Variants in B3GLCT observed in about 807,000 individuals in gnomAD.
B3GLCT encodes beta 3-glucosyltransferase.
A neutral mutation model predicts 63.4 loss-of-function variants in B3GLCT; 65 were observed. The ratio of observed to expected loss-of-function variants is 1.03; its 90% CI spans 0.84 to 1.26. The LOEUF (loss-of-function observed/expected upper bound fraction) is 1.26. Among genes scored for constraint, B3GLCT ranks in the 50% most tolerant of loss-of-function variants. The pLI is 0.00. For synonymous variants in B3GLCT, 233 were observed against 219.2 expected (o/e 1.06, Z -0.55); for missense variants, 577 against 604.8 (o/e 0.95, Z 0.48).
chr13:31,204,789 A>G (rs1169859246), intron 1 of B3GLCT, among the ~76,000 whole-genome samples: 1 of 152,120 alleles, frequency 6.6e-6, no homozygotes, highest in Non-Finnish European at 1.5e-5. Flanking sequence ...GAGATGATTA[A>G]TAATCTCTCA....
In B3GLCT at chr13:31,247,019, T is replaced by C; in HGVS notation, c.271-4T>C. ...CTTATCTTCTTTGATCATTGTTTTCTCAGGAGCTCCCCAGTGTCCTCCTCC... is the reference window on the plus strand; with the variant it reads ...CTTATCTTCTTTGATCATTGTTTTCCCAGGAGCTCCCCAGTGTCCTCCTCC... On this transcript the variant is annotated splice_region_variant and splice_polypyrimidine_tract_variant and intron_variant, in intron 4 of 14. Coordinates refer to ENST00000343307, the MANE Select transcript of B3GLCT (RefSeq NM_194318.4). 1 of 1,606,784 alleles carries C rather than the reference T, an allele frequency of 6.2e-7. No homozygotes were observed. Among genetic ancestry groups the C allele is most frequent in the South Asian group, 1.1e-5 (1 of 90,870 alleles).
At chr13:31,296,492 C>T (rs752938477) in intron 12 of B3GLCT, among the ~76,000 whole-genome samples, 14 of 152,162 alleles carry the variant, frequency 9.2e-5, no homozygotes, top group Non-Finnish European at 1.9e-4. Flanking sequence ...TCTCCACCCT[C>T]GTGATCTCTT....
chr13:31,252,186 C>T (rs1339999743), intron 6 of B3GLCT, among the ~76,000 whole-genome samples: 1 of 152,128 alleles, frequency 6.6e-6, no homozygotes. Context: ...TTTGTCACCA[C>T]CAGGCCTGCC....
At position 31,331,698 on chromosome 13, in the gene B3GLCT, T is replaced by C. The variant is rs200297044; in HGVS notation, c.*2030T>C. Reference sequence around the variant, plus strand: ...AGAGAAAACCATCAGAAATTGATAATGTTTATATAAAGTTTATAAAGCCAT... The same window carrying C: ...AGAGAAAACCATCAGAAATTGATAACGTTTATATAAAGTTTATAAAGCCAT... On this transcript the variant is annotated 3_prime_UTR_variant, in exon 15 of 15. Coordinates refer to ENST00000343307, the MANE Select transcript of B3GLCT (RefSeq NM_194318.4). 2.6e-5 allele frequency: 4 copies of C among 152,204 alleles called. No homozygotes were observed. The highest frequency in any genetic ancestry group is 5.9e-5 in the Non-Finnish European group (4 of 68,040). The allele number at this position is 152,204 out of a possible 1,614,324, so 9.4% of individuals were successfully genotyped here. A position where few individuals can be genotyped will look rare whatever the true frequency, so the allele number is the denominator to read the frequency against.
intron 3 of B3GLCT, among the ~76,000 whole-genome samples, chr13:31,228,344 C>T (rs1870205152): frequency 6.6e-6 from 1 of 152,172 alleles, no homozygotes; most frequent in Non-Finnish European, 1.5e-5. Context: ...TGAGTGTCAC[C>T]TTAAAGGACC....
chr13:31,220,092 G>A (rs547419063), intron 2 of B3GLCT, among the ~76,000 whole-genome samples: 1 of 152,322 alleles, frequency 6.6e-6, no homozygotes, highest in African/African-American at 2.4e-5. Context: ...CCGACTGAGT[G>A]TAATCATGAA....
intron 14 of B3GLCT, among the ~76,000 whole-genome samples, chr13:31,325,908 T>A (rs1425685244): frequency 2.0e-5 from 3 of 152,206 alleles, no homozygotes; most frequent in African/African-American, 7.2e-5. Flanking sequence ...TTCTTCTGTT[T>A]TTAGAGAAAG....
intron 7 of B3GLCT, among the ~76,000 whole-genome samples, chr13:31,261,871 ACTC>A (rs1323020061): frequency 6.6e-6 from 1 of 152,040 alleles, no homozygotes; most frequent in Non-Finnish European, 1.5e-5. Context: ...CTTCTTGACT[ACTC>A]CTTTCACATT....
At chr13:31,328,363 A>C (rs1875737535) in intron 14 of B3GLCT, among the ~76,000 whole-genome samples, 1 of 152,188 alleles carries the variant, frequency 6.6e-6, no homozygotes, top group Non-Finnish European at 1.5e-5. Flanking sequence ...GAGTTACTTT[A>C]TAAAACAGTG....
At chr13:31,245,859 A>G (rs73172878) in intron 4 of B3GLCT, among the ~76,000 whole-genome samples, 28,431 of 152,088 alleles carry the variant, frequency 0.19, 2,758 homozygotes, top group South Asian at 0.27. Context: ...AATTATTTAT[A>G]TTGGGTAACT....
In B3GLCT at chr13:31,323,877, C is replaced by G; in HGVS notation, c.1311C>G (p.His437Gln). The G allele has an allele frequency of 6.2e-7, 1 of 1,614,210 alleles. No individual in the cohort carries two copies. The highest frequency in any genetic ancestry group is 1.1e-5 in the South Asian group (1 of 91,092). ...GTGGCTTGGGAATCCCTGTGACACA[C>G]AGCCCTCTCTTCCATCAGGTGAGGA... ...CFSGLGIPVT[H>Q]SPLFHQARPV... The change falls in exon 14 of 15, where the codon CAC becomes CAG. Residue 437 changes from histidine (H) to glutamine (Q), a missense_variant. Physicochemically the swap from His to Gln is conservative, Grantham distance 24. Coordinates refer to ENST00000343307, the MANE Select transcript of B3GLCT (RefSeq NM_194318.4).
chr13:31,239,766 A>G (rs1870838664), intron 4 of B3GLCT, among the ~76,000 whole-genome samples: 2 of 151,782 alleles, frequency 1.3e-5, no homozygotes, highest in African/African-American at 4.8e-5. Flanking sequence ...CTGTAGTTTC[A>G]AAAGCATATT....
chr13:31,329,609 C>T lies in B3GLCT; in HGVS notation c.1438C>T (p.Pro480Ser), dbSNP rs886043655. ...GAAGGTGTATTTCACATGGTTGGCA[C>T]CCAGTGACGAAGACAAAGCCAGGCA... ...PVKVYFTWLA[P>S]SDEDKARQET... The change falls in exon 15 of 15, where the codon CCC (proline) becomes TCC (serine). Residue 480 changes from proline (P) to serine (S), a missense_variant. Physicochemically the swap from Pro to Ser is moderately conservative, Grantham distance 74. Transcript: ENST00000343307. The T allele has an allele frequency of 2.5e-6, 4 of 1,614,160 alleles. No individual in the cohort carries two copies. The highest frequency in any genetic ancestry group is 1.6e-4 in the Middle Eastern group (1 of 6,062).
intron 6 of B3GLCT, 98 bp downstream of exon 6, chr13:31,248,064 C>T (rs1181898636): frequency 1.6e-5 from 11 of 708,072 alleles, no homozygotes; most frequent in Admixed American, 4.9e-5. Flanking sequence ...TAAAAAACCA[C>T]TTAGTTTAAA....
chr13:31,200,304 C>G (rs1218855668), intron 1 of B3GLCT, 150 bp downstream of exon 1: 10 of 273,066 alleles, frequency 3.7e-5, no homozygotes, highest in Admixed American at 6.5e-5. Flanking sequence ...CCCCGCCGCG[C>G]CGCGCCGTCA....
intron 7 of B3GLCT, among the ~76,000 whole-genome samples, chr13:31,262,688 C>A (rs1732829885): frequency 6.6e-6 from 1 of 152,192 alleles, no homozygotes; most frequent in African/African-American, 2.4e-5. Context: ...GCCAGTTTAG[C>A]CACCTTTGTT....
At chr13:31,200,986 A>T (rs1868635487) in intron 1 of B3GLCT, among the ~76,000 whole-genome samples, 1 of 145,422 alleles carries the variant, frequency 6.9e-6, no homozygotes, top group Non-Finnish European at 1.5e-5. Flanking sequence ...TCCCCCCTTT[A>T]TCTTAAAACG....
In B3GLCT at chr13:31,328,429, C is replaced by T. The variant is rs1593325689; in HGVS notation, c.1330-1072C>T. Among the ~76,000 whole-genome samples, 3 of 152,186 alleles carry T rather than the reference C, an allele frequency of 2.0e-5. No homozygotes were observed. In the South Asian group the frequency reaches 6.2e-4, roughly 32 times the overall value. On this transcript the variant is annotated intron_variant, in intron 14 of 14. Transcript: ENST00000343307. Reference sequence around the variant, plus strand: ...TGATTACTGGCTGGGCAAAGTGGCTCACGCCTGCAACCTCAGCACTTTGGG... The same window carrying T: ...TGATTACTGGCTGGGCAAAGTGGCTTACGCCTGCAACCTCAGCACTTTGGG...
chr13:31,279,948 G>A (rs1184992942), intron 10 of B3GLCT, among the ~76,000 whole-genome samples: 2 of 152,198 alleles, frequency 1.3e-5, no homozygotes, highest in Non-Finnish European at 2.9e-5. Flanking sequence ...TTTGAGAGAA[G>A]TGAAATATGG....
Sources: gnomAD v4.1 joint callset for allele counts (sites outside exome capture counted in the v4.1 genomes callset) on GRCh38, gnomAD v4.1.1 for gene constraint, MANE v1.5 for transcripts, NCBI Gene and HGNC (gene_info 2026-07-23, HGNC 2026-07-21) for gene names.